GRM8: variants seen among roughly 807,000 people sequenced by gnomAD.
GRM8 encodes the protein metabotropic glutamate receptor 8.
GRM8 carries 47 observed loss-of-function variants against 87.2 expected under a neutral mutation model. The ratio of observed to expected loss-of-function variants is 0.54; its 90% confidence interval spans 0.43 to 0.69. GRM8 has a LOEUF of 0.69. Among genes scored for constraint, GRM8 ranks in the 30% least tolerant of loss-of-function variants. The pLI is 0.00. For missense variants in GRM8, 1,019 were observed against 1,139.2 expected (o/e 0.89, Z 1.52); for synonymous variants, 396 against 404.5 (o/e 0.98, Z 0.25).
intron 2 of GRM8, among the ~76,000 whole-genome samples, chr7:127,159,353 C>G (rs1792945471): frequency 6.6e-6 from 1 of 152,138 alleles, no homozygotes; most frequent in Non-Finnish European, 1.5e-5. Flanking sequence ...TTGAGTTTAG[C>G]CACCAGCATC....
chr7:126,917,467 T>A (rs534733658), intron 3 of GRM8, among the ~76,000 whole-genome samples: 2 of 152,150 alleles, frequency 1.3e-5, no homozygotes, highest in African/African-American at 4.8e-5. Context: ...TTAGAACAAA[T>A]CGCAAATAAT....
At chr7:126,517,467 G>A (rs1384379956) in intron 9 of GRM8, among the ~76,000 whole-genome samples, 1 of 151,974 alleles carries the variant, frequency 6.6e-6, no homozygotes, top group Non-Finnish European at 1.5e-5. Flanking sequence ...CTTAGTACAT[G>A]CCCAAACCAC....
At chr7:126,451,840 C>T (rs1383405379) in intron 9 of GRM8, among the ~76,000 whole-genome samples, 1 of 151,740 alleles carries the variant, frequency 6.6e-6, no homozygotes, top group Non-Finnish European at 1.5e-5. Flanking sequence ...CTTTCCTGAA[C>T]ACACCATTGA....
At chr7:126,647,635 A>C (rs767082791) in intron 7 of GRM8, among the ~76,000 whole-genome samples, 23 of 152,114 alleles carry the variant, frequency 1.5e-4, no homozygotes, top group Non-Finnish European at 2.9e-4. Flanking sequence ...ATATGGAAAC[A>C]CCATCCAGAG....
intron 3 of GRM8, among the ~76,000 whole-genome samples, chr7:126,990,570 T>C (rs1812559869): frequency 6.6e-6 from 1 of 152,226 alleles, no homozygotes; most frequent in Non-Finnish European, 1.5e-5. Flanking sequence ...AATAAAAGAT[T>C]GTTGACGTTA....
intron 2 of GRM8, among the ~76,000 whole-genome samples, chr7:127,146,609 T>C (rs1432112505): frequency 1.3e-5 from 2 of 152,058 alleles, no homozygotes; most frequent in Admixed American, 6.6e-5. Flanking sequence ...CCAGGACATA[T>C]GGTCTTGAAA....
At position 127,197,749 on chromosome 7, in the gene GRM8, A is replaced by G. The variant is rs149170061; in HGVS notation, c.510+44946T>C. The stretch of plus-strand genomic sequence containing the variant: ...ACTGAAGGAGAACCAAGTATAGATT[A>G]GGCATAAGGTAAAAGGGAGAACATT... On this transcript the variant is annotated intron_variant, in intron 2 of 10. Coordinates refer to ENST00000339582, the MANE Select transcript of GRM8 (RefSeq NM_000845.3). Among the ~76,000 whole-genome samples, 381 of 152,314 alleles carry G rather than the reference A, an allele frequency of 2.5e-3. 4 individuals are homozygous for G. Among genetic ancestry groups the G allele is most frequent in the African/African-American group, 8.7e-3 (362 of 41,562 alleles).
At position 126,572,408 on chromosome 7, in the gene GRM8, C is replaced by G. The variant is rs540447474; in HGVS notation, c.1494+36954G>C. On this transcript the variant is annotated intron_variant, in intron 8 of 10. Coordinates refer to ENST00000339582, the MANE Select transcript of GRM8 (RefSeq NM_000845.3). ...AAATATTCCAATGCTGATAGATAGA[C>G]ATGAATGTCTACATGACAACATCCG... is the stretch of plus-strand genomic sequence containing the variant. Among the ~76,000 whole-genome samples, 20 of 152,280 alleles carry G rather than the reference C, an allele frequency of 1.3e-4. No individual in the cohort carries two copies. The South Asian group carries it at 2.5e-3, about 19-fold the overall frequency.
rs553413168 is a variant in GRM8 at position 127,089,539 on chromosome 7, C to A, written c.727+16957G>T. Among the ~76,000 whole-genome samples, 4 of 152,336 alleles carry A rather than the reference C, an allele frequency of 2.6e-5. No homozygotes were observed. In the South Asian group the frequency reaches 8.3e-4, roughly 32 times the overall value. On this transcript the variant is annotated intron_variant, in intron 3 of 10. Coordinates refer to ENST00000339582, the MANE Select transcript of GRM8 (RefSeq NM_000845.3). The stretch of plus-strand genomic sequence containing the variant: ...GGGCAAAACCTAAGCATATAGCCAG[C>A]ACACCAGAAAGCAGAGCCCAGAGCT...
At position 127,243,489 on chromosome 7, in the gene GRM8, G is replaced by T. The variant is rs552366914; in HGVS notation, c.-285C>A. On this transcript the variant is annotated 5_prime_UTR_variant, in exon 2 of 11. Coordinates refer to ENST00000339582, the MANE Select transcript of GRM8 (RefSeq NM_000845.3). ...GATGAGGTCAACAATTCATGTCCTT[G>T]AAATCAGCCTTGTAGCAGAATTATT... 11 of 401,124 alleles carry T rather than the reference G, an allele frequency of 2.7e-5. No homozygotes were observed. The highest frequency in any genetic ancestry group is 4.9e-5 in the Non-Finnish European group (11 of 226,104). 24.8% of individuals were successfully genotyped at this position (401,124 alleles called of 1,614,324 possible). A position where few individuals can be genotyped will look rare whatever the true frequency, so the allele number is the denominator to read the frequency against.
intron 2 of GRM8, among the ~76,000 whole-genome samples, chr7:127,181,577 AC>A (rs1220870218): frequency 6.6e-6 from 1 of 152,104 alleles, no homozygotes; most frequent in Non-Finnish European, 1.5e-5. Context: ...GAGGCATCAC[AC>A]TACCTGATTT....
chr7:126,636,134 G>C (rs1472376306), intron 7 of GRM8, among the ~76,000 whole-genome samples: 1 of 152,028 alleles, frequency 6.6e-6, no homozygotes, highest in African/African-American at 2.4e-5. Context: ...TATGCATTCT[G>C]ATTTAAATGC....
At chr7:126,804,253 T>C (rs1792417726) in intron 6 of GRM8, among the ~76,000 whole-genome samples, 1 of 152,186 alleles carries the variant, frequency 6.6e-6, no homozygotes, top group South Asian at 2.1e-4. Context: ...CTCTACTACT[T>C]TAAGGAAAGC....
intron 3 of GRM8, among the ~76,000 whole-genome samples, chr7:127,094,121 A>T (rs1824418695): frequency 6.6e-6 from 1 of 152,224 alleles, no homozygotes; most frequent in Admixed American, 6.5e-5. Context: ...ATGTTGCTTC[A>T]TTTCTGCAGA....
intron 7 of GRM8, among the ~76,000 whole-genome samples, chr7:126,667,255 T>C (rs1805873097): frequency 6.6e-6 from 1 of 152,198 alleles, no homozygotes; most frequent in South Asian, 2.1e-4. Flanking sequence ...AAGATGCTAT[T>C]TGAATGTTAA....
chr7:126,553,711 A>T (rs1792839757), intron 8 of GRM8, among the ~76,000 whole-genome samples: 1 of 152,198 alleles, frequency 6.6e-6, no homozygotes, highest in Non-Finnish European at 1.5e-5. Flanking sequence ...GGCTAACCTA[A>T]TACCCAATTG....
chr7:126,991,742 T>C (rs144910797), intron 3 of GRM8, among the ~76,000 whole-genome samples: 97 of 152,308 alleles, frequency 6.4e-4, no homozygotes, highest in African/African-American at 2.2e-3. Flanking sequence ...AGTTGATTTT[T>C]AAAATCTCAT....
At chr7:127,139,276 T>C (rs898908166) in intron 2 of GRM8, among the ~76,000 whole-genome samples, 5 of 152,106 alleles carry the variant, frequency 3.3e-5, no homozygotes, top group Admixed American at 1.3e-4. Context: ...ACACCTCACA[T>C]ACCTATTGAG....
intron 3 of GRM8, among the ~76,000 whole-genome samples, chr7:126,934,700 T>C (rs1806113808): frequency 6.6e-6 from 1 of 152,170 alleles, no homozygotes; most frequent in Non-Finnish European, 1.5e-5. Context: ...ATATAATTTC[T>C]AGCTTTCTGA....
Sources: gnomAD v4.1 joint callset for allele counts (sites outside exome capture counted in the v4.1 genomes callset) on GRCh38, gnomAD v4.1.1 for gene constraint, MANE v1.5 for transcripts, NCBI Gene and HGNC (gene_info 2026-07-23, HGNC 2026-07-21) for gene names.